The following APOLD1 variants were observed in gnomAD, a reference collection of about 807,000 sequenced individuals.
APOLD1 encodes apolipoprotein L domain containing 1.
In APOLD1, 22 loss-of-function variants were observed where a neutral mutation model predicts 15.3. The ratio of observed to expected loss-of-function variants is 1.44; its 90% CI spans 1.03 to 2.05. The LOEUF is 2.05. APOLD1 is among the 30% of genes most tolerant of loss of function. APOLD1 has a pLI of 0.00. For synonymous variants in APOLD1, 190 were observed against 167.4 expected, an observed-to-expected ratio of 1.13 and a Z score of -1.04; for missense variants, 394 against 353.5, an observed-to-expected ratio of 1.11 and a Z score of -0.92.
intron 1 of APOLD1, among the ~76,000 whole-genome samples, chr12:12,747,896 GTTAATCTTGGCAGTTTGTATA>G (rs1304786854): frequency 3.3e-4 from 50 of 152,332 alleles, no homozygotes; most frequent in African/African-American, 1.2e-3. Context: ...TGCCGGACAT[GTTAATCTTGGCAGTTTGTATA>G]GGCTTATATT....
At chr12:12,741,195 A>C (rs1253638263) in intron 1 of APOLD1, among the ~76,000 whole-genome samples, 1 of 152,152 alleles carries the variant, frequency 6.6e-6, no homozygotes, top group East Asian at 1.9e-4. Context: ...GCAAACTGTC[A>C]TACTTTTTTT....
chr12:12,727,577 C>CT (rs1946602446), intron 1 of APOLD1, among the ~76,000 whole-genome samples: 1 of 149,932 alleles, frequency 6.7e-6, no homozygotes, highest in Non-Finnish European at 1.5e-5. Flanking sequence ...CCTCTGAAAG[C>CT]TTTATTATTT....
chr12:12,746,995 A>G (rs1193936451), intron 1 of APOLD1, among the ~76,000 whole-genome samples: 2 of 152,174 alleles, frequency 1.3e-5, no homozygotes, highest in Non-Finnish European at 2.9e-5. Context: ...ATGGCTGCAT[A>G]TTCTCTAATG....
intron 1 of APOLD1, among the ~76,000 whole-genome samples, chr12:12,779,366 T>A (rs1054094645): frequency 2.0e-5 from 3 of 152,222 alleles, no homozygotes; most frequent in African/African-American, 7.2e-5. Flanking sequence ...GTCCCCAGAC[T>A]CTAGCCTGAT....
intron 1 of APOLD1, among the ~76,000 whole-genome samples, chr12:12,768,080 C>T (rs188802775): frequency 2.2e-4 from 34 of 152,152 alleles, no homozygotes; most frequent in East Asian, 9.6e-4. Context: ...CCACCGTGCC[C>T]GGCCTACTAT....
intron 1 of APOLD1, among the ~76,000 whole-genome samples, chr12:12,741,060 T>C (rs1946726720): frequency 6.6e-6 from 1 of 152,242 alleles, no homozygotes; most frequent in Non-Finnish European, 1.5e-5. Context: ...GTACCTTTTG[T>C]AACTTTTTTG....
intron 1 of APOLD1, among the ~76,000 whole-genome samples, chr12:12,736,656 G>A (rs1022691321): frequency 1.3e-5 from 2 of 152,210 alleles, no homozygotes; most frequent in South Asian, 2.1e-4. Context: ...CCAATAGGAC[G>A]TGGGAAAGAA....
chr12:12,776,734 T>A (rs1236297248), intron 1 of APOLD1, among the ~76,000 whole-genome samples: 5 of 152,136 alleles, frequency 3.3e-5, no homozygotes, highest in African/African-American at 4.8e-5. Flanking sequence ...CATGCCTTTT[T>A]CCCTCAGCAA....
At chr12:12,759,094 A>G (rs887212472) in intron 1 of APOLD1, among the ~76,000 whole-genome samples, 3 of 152,212 alleles carry the variant, frequency 2.0e-5, no homozygotes, top group Admixed American at 2.0e-4. Flanking sequence ...AGGGAGCAGG[A>G]TGGCACGAGA....
chr12:12,777,476 T>C (rs1366968627), intron 1 of APOLD1, among the ~76,000 whole-genome samples: 1 of 152,236 alleles, frequency 6.6e-6, no homozygotes, highest in Non-Finnish European at 1.5e-5. Flanking sequence ...AATTCGCTTA[T>C]ATTAGCCAGA....
chr12:12,753,968 G>A (rs945976022), intron 1 of APOLD1, among the ~76,000 whole-genome samples: 2 of 150,944 alleles, frequency 1.3e-5, no homozygotes, highest in Non-Finnish European at 3.0e-5. Context: ...TAATCCCAGC[G>A]CTTTGGAAGG....
At chr12:12,767,650 T>C (rs1235275858) in intron 1 of APOLD1, among the ~76,000 whole-genome samples, 1 of 152,188 alleles carries the variant, frequency 6.6e-6, no homozygotes, top group Non-Finnish European at 1.5e-5. Flanking sequence ...AGGGAGACTA[T>C]GTCTCAAAAC....
chr12:12,727,581 ATTATTTAT>A (rs71064314), intron 1 of APOLD1, among the ~76,000 whole-genome samples: 9 of 151,456 alleles, frequency 5.9e-5, no homozygotes, highest in African/African-American at 1.7e-4. Context: ...TGAAAGCTTT[ATTATTTAT>A]TTATTTATTT....
chr12:12,741,671 G>A (rs1256990628), intron 1 of APOLD1, among the ~76,000 whole-genome samples: 1 of 152,204 alleles, frequency 6.6e-6, no homozygotes, highest in Non-Finnish European at 1.5e-5. Context: ...AACAAAACAA[G>A]ACACACAGTC....
chr12:12,758,005 A>G (rs1946869180), intron 1 of APOLD1, among the ~76,000 whole-genome samples: 1 of 142,298 alleles, frequency 7.0e-6, no homozygotes, highest in Non-Finnish European at 1.5e-5. Context: ...GGCTCACTGC[A>G]ACCTCTGCCT....
At chr12:12,739,271 A>T (rs1946713098) in intron 1 of APOLD1, among the ~76,000 whole-genome samples, 1 of 152,172 alleles carries the variant, frequency 6.6e-6, no homozygotes, top group African/African-American at 2.4e-5. Flanking sequence ...GTTATTGAGG[A>T]ATTTGTATTC....
At chr12:12,741,199 T>C (rs1946727522) in intron 1 of APOLD1, among the ~76,000 whole-genome samples, 1 of 152,140 alleles carries the variant, frequency 6.6e-6, no homozygotes, top group Non-Finnish European at 1.5e-5. Flanking sequence ...ACTGTCATAC[T>C]TTTTTTACGA....
At chr12:12,770,182 G>T (rs982893939) in intron 1 of APOLD1, among the ~76,000 whole-genome samples, 3 of 152,084 alleles carry the variant, frequency 2.0e-5, no homozygotes, top group Admixed American at 2.0e-4. Context: ...GGCCGAGGCG[G>T]GCAGATCACG....
chr12:12,785,479 G>C, upstream of APOLD1: 1 of 669,686 alleles, frequency 1.5e-6, no homozygotes, highest in Non-Finnish European at 2.5e-6. Flanking sequence ...CACAATGTTC[G>C]TTTCCTAAAT....
Sources: gnomAD v4.1 joint callset for allele counts (sites outside exome capture counted in the v4.1 genomes callset) on GRCh38, gnomAD v4.1.1 for gene constraint, MANE v1.5 for transcripts, NCBI Gene and HGNC (gene_info 2026-07-23, HGNC 2026-07-21) for gene names.